Variants in GPHN observed in about 807,000 individuals in gnomAD.
GPHN encodes the protein gephyrin.
A neutral mutation model predicts 95.5 loss-of-function variants in GPHN; 17 were observed. That is an observed-to-expected ratio of 0.18 (90% confidence interval 0.12 to 0.27). The LOEUF is 0.27. Ranked by LOEUF, GPHN falls within the 10% of genes least tolerant of loss-of-function variation. The probability of loss-of-function intolerance (pLI) is 1.00; values close to 1 mark genes in which losing one functional copy is unlikely to be tolerated. For missense variants in GPHN, 660 were observed against 978.1 expected, an observed-to-expected ratio of 0.67 and a Z score of 4.34; for synonymous variants, 320 against 322.5, an observed-to-expected ratio of 0.99 and a Z score of 0.08.
chr14:66,934,960 T>C (rs1788831382), intron 8 of GPHN, among the ~76,000 whole-genome samples: 1 of 152,094 alleles, frequency 6.6e-6, no homozygotes, highest in Admixed American at 6.6e-5. Context: ...ATGTATCAAA[T>C]AGGAATCCCT....
At chr14:66,781,397 A>G (rs539390418) in intron 3 of GPHN, among the ~76,000 whole-genome samples, 2 of 151,922 alleles carry the variant, frequency 1.3e-5, no homozygotes, top group African/African-American at 4.8e-5. Flanking sequence ...TTGTATTTTT[A>G]GTAGAGACAG....
the GPHN span, among the ~76,000 whole-genome samples, chr14:67,428,504 A>G: frequency 1.3e-5 from 2 of 152,372 alleles, no homozygotes; most frequent in Non-Finnish European, 2.9e-5. Flanking sequence ...TGTTTCACAA[A>G]GGAGGAATTT....
At chr14:67,531,781 G>A in the GPHN span, among the ~76,000 whole-genome samples, 1 of 141,880 alleles carries the variant, frequency 7.0e-6, no homozygotes, top group South Asian at 2.3e-4. Context: ...AGTAGCATGT[G>A]CCTATAGTCC....
At chr14:66,676,116 A>C (rs1030422749) in intron 1 of GPHN, among the ~76,000 whole-genome samples, 4 of 152,092 alleles carry the variant, frequency 2.6e-5, no homozygotes, top group Non-Finnish European at 4.4e-5. Context: ...TCATCTGACT[A>C]GTGAATATTG....
At chr14:67,109,816 C>G (rs1360686355) in intron 13 of GPHN, among the ~76,000 whole-genome samples, 5 of 152,022 alleles carry the variant, frequency 3.3e-5, no homozygotes, top group African/African-American at 1.2e-4. Context: ...AATCACTTTA[C>G]ATATATTAGG....
At chr14:66,716,651 AT>A (rs2070211413) in intron 2 of GPHN, among the ~76,000 whole-genome samples, 2 of 151,828 alleles carry the variant, frequency 1.3e-5, no homozygotes, top group Non-Finnish European at 2.9e-5. Context: ...CTGTTTTGAT[AT>A]TTTTCCAGGA....
intron 2 of GPHN, among the ~76,000 whole-genome samples, chr14:66,758,312 A>T (rs145338835): frequency 4.6e-5 from 7 of 152,156 alleles, no homozygotes; most frequent in Non-Finnish European, 1.0e-4. Context: ...CTGCCTAGGC[A>T]TTTGGCTGCC....
chr14:67,177,375 T>C (rs1286551463), intron 21 of GPHN, among the ~76,000 whole-genome samples: 2 of 152,224 alleles, frequency 1.3e-5, no homozygotes, highest in Non-Finnish European at 2.9e-5. Flanking sequence ...AGTTTCCATG[T>C]AGTTGTGTGG....
At chr14:66,527,442 G>A (rs936554037) in intron 1 of GPHN, among the ~76,000 whole-genome samples, 1 of 148,578 alleles carries the variant, frequency 6.7e-6, no homozygotes, top group Non-Finnish European at 1.5e-5. Flanking sequence ...ATTTTTTTGA[G>A]GAGATTTTCA....
At chr14:67,132,797 T>C (rs1486356485) in intron 17 of GPHN, among the ~76,000 whole-genome samples, 1 of 151,828 alleles carries the variant, frequency 6.6e-6, no homozygotes, top group East Asian at 1.9e-4. Flanking sequence ...GTCCTAATTA[T>C]CTCCAACTAA....
chr14:67,072,716 CT>C (rs1213395471), intron 11 of GPHN, among the ~76,000 whole-genome samples: 12 of 151,830 alleles, frequency 7.9e-5, no homozygotes, highest in African/African-American at 2.9e-4. Context: ...AATTTATTGA[CT>C]ATTTTCTAAA....
the GPHN span, among the ~76,000 whole-genome samples, chr14:67,444,769 T>C: frequency 1.3e-5 from 2 of 151,996 alleles, no homozygotes; most frequent in Non-Finnish European, 2.9e-5. Flanking sequence ...AACTCTTTTT[T>C]GTGTGTGTGT....
At chr14:67,696,362 A>T in the GPHN span, among the ~76,000 whole-genome samples, 1 of 152,170 alleles carries the variant, frequency 6.6e-6, no homozygotes, top group African/African-American at 2.4e-5. Context: ...ATTAGACAGG[A>T]GAGGAGCGGT....
chr14:66,976,751 A>G (rs1201342308), intron 9 of GPHN, among the ~76,000 whole-genome samples: 1 of 152,160 alleles, frequency 6.6e-6, no homozygotes, highest in Non-Finnish European at 1.5e-5. Context: ...TAAGGAGCTT[A>G]TAGTGGTAAT....
chr14:67,467,043 A>T, the GPHN span: 2 of 150,816 alleles, frequency 1.3e-5, no homozygotes, highest in African/African-American at 2.4e-5. Context: ...TGAAAGTATC[A>T]GTAATCAACC....
intron 1 of GPHN, among the ~76,000 whole-genome samples, chr14:66,629,619 T>G (rs970136057): frequency 2.6e-5 from 4 of 152,182 alleles, no homozygotes; most frequent in African/African-American, 9.7e-5. Context: ...TGTTATGTAG[T>G]GTACATAATT....
At chr14:66,746,073 A>G (rs1343978052) in intron 2 of GPHN, among the ~76,000 whole-genome samples, 2 of 152,164 alleles carry the variant, frequency 1.3e-5, no homozygotes, top group Non-Finnish European at 2.9e-5. Flanking sequence ...TTGTTTATCT[A>G]CTAACCCATT....
intron 9 of GPHN, among the ~76,000 whole-genome samples, chr14:66,972,842 C>T (rs1030032010): frequency 6.6e-6 from 1 of 152,048 alleles, no homozygotes; most frequent in Non-Finnish European, 1.5e-5. Flanking sequence ...CAGAAGATGG[C>T]AGTGAATAGA....
intron 1 of GPHN, among the ~76,000 whole-genome samples, chr14:66,612,144 C>T (rs994220637): frequency 2.0e-5 from 3 of 152,002 alleles, no homozygotes; most frequent in Non-Finnish European, 4.4e-5. Flanking sequence ...TTCAGTTTTG[C>T]ATGCCTAAAC....
Sources: gnomAD v4.1 joint callset for allele counts (sites outside exome capture counted in the v4.1 genomes callset) on GRCh38, gnomAD v4.1.1 for gene constraint, MANE v1.5 for transcripts, NCBI Gene and HGNC (gene_info 2026-07-23, HGNC 2026-07-21) for gene names.